Variants in MCAM observed in about 807,000 individuals in gnomAD.
The protein encoded by MCAM is cell surface glycoprotein MUC18.
MCAM carries 55 observed loss-of-function variants against 79.1 expected under a neutral mutation model. That is an observed-to-expected ratio of 0.70 (90% confidence interval 0.56 to 0.87). The LOEUF (loss-of-function observed/expected upper bound fraction) is 0.87. MCAM is among the 40% of genes least tolerant of loss of function. MCAM has a pLI of 0.00. For missense variants in MCAM, 745 were observed against 839.8 expected (o/e 0.89, Z 1.40); for synonymous variants, 330 against 339.8 (o/e 0.97, Z 0.32).
At position 119,309,066 on chromosome 11, in the gene MCAM, G is replaced by C. The variant is rs934645157; in HGVS notation, c.*820C>G. 1 of 152,236 alleles carries C rather than the reference G, an allele frequency of 6.6e-6. No individual in the cohort carries two copies. The highest frequency in any genetic ancestry group is 1.5e-5 in the Non-Finnish European group (1 of 68,058). 9.4% of individuals were successfully genotyped at this position (152,236 alleles called of 1,614,324 possible). On this transcript the variant is annotated 3_prime_UTR_variant, in exon 16 of 16. Coordinates refer to ENST00000264036, the MANE Select transcript of MCAM (RefSeq NM_006500.3). ...GGCTCACTGCAAGCTCCACCTCCTG[G>C]ATTCATACCATTCTCCTGCTTCAGC...
At position 119,315,303 on chromosome 11, in the gene MCAM, C is replaced by A; in HGVS notation, c.68-40G>T. ...CGGGGCCCCCGCAGCTGTGTCAGCT[C>A]CGGCTGCTGTCCGCCCCTCCCCTCG... On this transcript the variant is annotated intron_variant, in intron 1 of 15. Coordinates refer to ENST00000264036, the MANE Select transcript of MCAM (RefSeq NM_006500.3). The surrounding 1 kb of genome is among the most constrained non-coding windows in gnomAD (Gnocchi z 4.4). The A allele has an allele frequency of 6.3e-7, 1 of 1,584,134 alleles. No individual in the cohort carries two copies.
rs771310773 is a variant in MCAM, at chr11:119,314,807, C to T, written c.400+26G>A. The T allele has an allele frequency of 3.1e-6, 5 of 1,613,554 alleles. No individual in the cohort carries two copies. In the South Asian group the frequency reaches 4.4e-5, roughly 14 times the overall value. ...GCCACGTCCCACCACCCTCACTACC[C>T]TGCTGGCAGACACAGGGTCACGCAC... On this transcript the variant is annotated intron_variant, in intron 3 of 15. Transcript: ENST00000264036.
intron 14 of MCAM, 132 bp downstream of exon 14, chr11:119,310,624 C>G (rs1295745349): frequency 1.8e-6 from 2 of 1,133,882 alleles, no homozygotes; most frequent in Non-Finnish European, 2.6e-6. Context: ...GGAAGCTGGG[C>G]AGTGGGTAGT....
intron 15 of MCAM, 77 bp downstream of exon 15, chr11:119,310,272 T>G: frequency 2.1e-6 from 2 of 958,992 alleles, no homozygotes; most frequent in Non-Finnish European, 3.4e-6. Context: ...GGATGAAGGA[T>G]AGAGAGAACC....
rs373976461 is a variant in MCAM, at chr11:119,312,763, T to C, written c.739+7A>G. ...CCCAGTAAGCAGAGAGTCAGGTTAG[T>C]ACTCACAGAAAACAGGGACGGTGAC... On this transcript the variant is annotated splice_region_variant and intron_variant, in intron 6 of 15. Coordinates refer to ENST00000264036, the MANE Select transcript of MCAM (RefSeq NM_006500.3). This position sits in a 1 kb window ranked among gnomAD's most constrained non-coding sequence, Gnocchi z 4.9. 1 of 1,613,782 alleles carries C rather than the reference T, an allele frequency of 6.2e-7. No homozygotes were observed. Among genetic ancestry groups the C allele is most frequent in the Non-Finnish European group, 8.5e-7 (1 of 1,179,900 alleles).
chr11:119,315,001 G>T lies in MCAM; in HGVS notation c.232C>A (p.Gln78Lys). Residue 78 changes from glutamine to lysine, a missense_variant, in exon 3 of 16, where the codon CAG (glutamine) becomes AAG (lysine). By Grantham distance (53) the Gln-to-Lys change is moderately conservative (BLOSUM62 1). Transcript: ENST00000264036. This position sits in a 1 kb window ranked among gnomAD's most constrained non-coding sequence, Gnocchi z 4.4. ...CCAGGTTCGCTCTGGCCCTGGCCCTGGCGCACACGGAAGATGAGCGTCCGC... is the reference window on the plus strand; with the variant it reads ...CCAGGTTCGCTCTGGCCCTGGCCCTTGCGCACACGGAAGATGAGCGTCCGC... ...EKRTLIFRVR[Q>K]GQGQSEPGEY... 1 of 1,609,606 alleles carries T rather than the reference G, an allele frequency of 6.2e-7. No individual in the cohort carries two copies. Among genetic ancestry groups the T allele is most frequent in the Non-Finnish European group, 8.5e-7 (1 of 1,179,988 alleles).
At position 119,311,581 on chromosome 11, in the gene MCAM, A is replaced by G. The variant is rs1190535661; in HGVS notation, c.1356T>C (p.Cys452=). The G allele has an allele frequency of 6.2e-7, 1 of 1,614,082 alleles. No homozygotes were observed. The highest frequency in any genetic ancestry group is 8.5e-7 in the Non-Finnish European group (1 of 1,180,014). The change falls in exon 11 of 16, where the codon TGT becomes TGC. Residue 452 remains cysteine, a synonymous_variant. Coordinates refer to ENST00000264036, the MANE Select transcript of MCAM (RefSeq NM_006500.3). This position sits in a 1 kb window ranked among gnomAD's most constrained non-coding sequence, Gnocchi z 4.4. The part of the protein sequence containing the change: ...VKENMVLNLS[C]EASGHPRPTI... ...TGGGCCGGGGGTGCCCTGACGCTTCACAAGACAGATTCAACACCATATTCT... is the reference window on the plus strand; with the variant it reads ...TGGGCCGGGGGTGCCCTGACGCTTCGCAAGACAGATTCAACACCATATTCT...
At chr11:119,310,666 C>A (rs997476367) in intron 14 of MCAM, 90 bp downstream of exon 14, 28 of 1,438,106 alleles carry the variant, frequency 1.9e-5, no homozygotes, top group Non-Finnish European at 2.6e-5. Flanking sequence ...CAGGGCCCCA[C>A]TCCTGCTGTC....
Position 119,312,037 on chromosome 11 carries a change from G to T in MCAM, c.1143+15C>A. ...CCCACCCCATCAGCCCCTTGCCCCA[G>T]ACCCGCCTGGGTACCTCTTCTCTCA... On this transcript the variant is annotated intron_variant, in intron 9 of 15. Coordinates refer to ENST00000264036, the MANE Select transcript of MCAM (RefSeq NM_006500.3). The surrounding 1 kb of genome is among the most constrained non-coding windows in gnomAD (Gnocchi z 4.9). The T allele has an allele frequency of 6.9e-7, 1 of 1,452,864 alleles. No individual in the cohort carries two copies. The highest frequency in any genetic ancestry group is 9.5e-7 in the Non-Finnish European group (1 of 1,057,694). 90.0% of individuals were successfully genotyped at this position (1,452,864 alleles called of 1,614,324 possible). A position where few individuals can be genotyped will look rare whatever the true frequency, so the allele number is the denominator to read the frequency against.
At chr11:119,313,786 TACTAG>T in intron 5 of MCAM, 1 of 191,290 alleles carries the variant, frequency 5.2e-6, no homozygotes, top group Non-Finnish European at 1.0e-5. Context: ...TCTCTCTACC[TACTAG>T]ATGGCAGTAG....
rs567481048 is a variant in MCAM, at chr11:119,317,018, C to G, written c.67+17G>C. The G allele has an allele frequency of 8.5e-6, 13 of 1,529,238 alleles. No individual in the cohort carries two copies. Among genetic ancestry groups the G allele is most frequent in the South Asian group, 4.8e-5 (4 of 83,380 alleles). 94.7% of individuals were successfully genotyped at this position (1,529,238 alleles called of 1,614,324 possible). The stretch of plus-strand genomic sequence containing the variant: ...AGACCCCTAGCCGGGGCGCGGCCCC[C>G]CTGCGAGCGAACTCACCCGCGACGC... On this transcript the variant is annotated intron_variant, in intron 1 of 15. Transcript: ENST00000264036. The surrounding 1 kb of genome is among the most constrained non-coding windows in gnomAD (Gnocchi z 6.2).
chr11:119,312,511 C>A lies in MCAM; in HGVS notation c.861+16G>T. On this transcript the variant is annotated intron_variant, in intron 7 of 15. Transcript: ENST00000264036. The surrounding 1 kb of genome is among the most constrained non-coding windows in gnomAD (Gnocchi z 4.9). ...TGCTTGCATCCCCACCTGCACCCAGCACAAAGCCCCCACACCTGCTTGCTG... is the reference window on the plus strand; with the variant it reads ...TGCTTGCATCCCCACCTGCACCCAGAACAAAGCCCCCACACCTGCTTGCTG... 1 of 1,614,092 alleles carries A rather than the reference C, an allele frequency of 6.2e-7. No individual in the cohort carries two copies. Among genetic ancestry groups the A allele is most frequent in the Non-Finnish European group, 8.5e-7 (1 of 1,180,030 alleles).
Position 119,311,751 on chromosome 11 carries a change from G to A in MCAM, c.1285+57C>T, listed in dbSNP as rs922761609. 7 of 1,608,414 alleles carry A rather than the reference G, an allele frequency of 4.4e-6. No individual in the cohort carries two copies. Among genetic ancestry groups the A allele is most frequent in the Non-Finnish European group, 5.9e-6 (7 of 1,176,536 alleles). ...GCAGCAGGTGGCTTTTTGTCAAAGAGCTTAAAAACCACCCCACTTGGGGTG... is the reference window on the plus strand; with the variant it reads ...GCAGCAGGTGGCTTTTTGTCAAAGAACTTAAAAACCACCCCACTTGGGGTG... On this transcript the variant is annotated intron_variant, in intron 10 of 15. Coordinates refer to ENST00000264036, the MANE Select transcript of MCAM (RefSeq NM_006500.3). This position sits in a 1 kb window ranked among gnomAD's most constrained non-coding sequence, Gnocchi z 4.4.
At position 119,314,872 on chromosome 11, in the gene MCAM, G is replaced by C. The variant is rs1278912763; in HGVS notation, c.361C>G (p.Pro121Ala). ...TGGATGCGGTACTCCTGGGACCGAG[G>C]GCGCTTGCCCTGGCACAAGAAGATG... The part of the protein sequence containing the change: ...ERIFLCQGKR[P>A]RSQEYRIQLR... The change falls in exon 3 of 16, where the codon CCT (proline) becomes GCT (alanine). Residue 121 changes from proline (P) to alanine (A), a missense_variant. Pro to Ala is a conservative substitution (Grantham distance 27). Coordinates refer to ENST00000264036, the MANE Select transcript of MCAM (RefSeq NM_006500.3). 1 of 1,613,606 alleles carries C rather than the reference G, an allele frequency of 6.2e-7. No individual in the cohort carries two copies. The highest frequency in any genetic ancestry group is 1.1e-5 in the South Asian group (1 of 91,090).
chr11:119,309,904 G>T lies in MCAM; in HGVS notation c.1923C>A (p.Tyr641Ter). ...KRAPGDQGEK[Y>*]IDLRH ...TTCGGGGCTAATGCCTCAGATCGATGTATTTCTCTCCCTAAAAGTGGGTAG... is the reference window on the plus strand; with the variant it reads ...TTCGGGGCTAATGCCTCAGATCGATTTATTTCTCTCCCTAAAAGTGGGTAG... The change falls in exon 16 of 16, where the codon TAC becomes TAA. Residue 641 changes from tyrosine (Y) to a stop codon, truncating the protein, a stop_gained. Transcript: ENST00000264036. LOFTEE classifies it high-confidence loss of function. The T allele has an allele frequency of 6.2e-7, 1 of 1,601,762 alleles. No individual in the cohort carries two copies. Among genetic ancestry groups the T allele is most frequent in the Non-Finnish European group, 8.5e-7 (1 of 1,174,110 alleles).
In MCAM at chr11:119,312,020, A is replaced by G. The variant is rs200321905; in HGVS notation, c.1143+32T>C. On this transcript the variant is annotated intron_variant, in intron 9 of 15. Transcript: ENST00000264036. The surrounding 1 kb of genome is among the most constrained non-coding windows in gnomAD (Gnocchi z 4.9). ...TGTCACCGCCAGCCCCACCCACCCC[A>G]TCAGCCCCTTGCCCCAGACCCGCCT... is the stretch of plus-strand genomic sequence containing the variant. The G allele has an allele frequency of 5.6e-4, 674 of 1,211,370 alleles. 7 individuals carry two copies. The East Asian group carries it at 0.02, about 36-fold the overall frequency. 75.0% of individuals were successfully genotyped at this position (1,211,370 alleles called of 1,614,324 possible).
In MCAM at chr11:119,315,578, C is replaced by T; in HGVS notation, c.68-315G>A. 1 of 365,116 alleles carries T rather than the reference C, an allele frequency of 2.7e-6. No homozygotes were observed. The highest frequency in any genetic ancestry group is 5.2e-6 in the Non-Finnish European group (1 of 191,838). 22.6% of individuals were successfully genotyped at this position (365,116 alleles called of 1,614,324 possible). A position where few individuals can be genotyped will look rare whatever the true frequency, so the allele number is the denominator to read the frequency against. Reference sequence around the variant, plus strand: ...GGCCAAGAGGAAGGCCCCTTTCCTTCCAGGCCCCCTCCTCTCCGGGTGAGC... The same window carrying T: ...GGCCAAGAGGAAGGCCCCTTTCCTTTCAGGCCCCCTCCTCTCCGGGTGAGC... On this transcript the variant is annotated intron_variant, in intron 1 of 15. Transcript: ENST00000264036. The surrounding 1 kb of genome is among the most constrained non-coding windows in gnomAD (Gnocchi z 4.4).
At position 119,315,486 on chromosome 11, in the gene MCAM, G is replaced by C. The variant is rs374018194; in HGVS notation, c.68-223C>G. The C allele has an allele frequency of 2.7e-3, 1,565 of 578,102 alleles. 21 individuals are homozygous for C. The highest frequency in any genetic ancestry group is 0.026 in the African/African-American group (1,412 of 53,408). The allele number at this position is 578,102 out of a possible 1,614,324, so 35.8% of individuals were successfully genotyped here. On this transcript the variant is annotated intron_variant, in intron 1 of 15. Coordinates refer to ENST00000264036, the MANE Select transcript of MCAM (RefSeq NM_006500.3). This position sits in a 1 kb window ranked among gnomAD's most constrained non-coding sequence, Gnocchi z 4.4. ...CTTGGAGCCAAGCAGAGATTGAGCA[G>C]AGACTGAGCACCGAACAGCTCCAGC...
At position 119,311,425 on chromosome 11, in the gene MCAM, C is replaced by A. The variant is rs769944457; in HGVS notation, c.1408-4G>T. ...GATCTTGGTCTTGTTCACTTGCCTG[C>A]GAGGAAAGGAAGGAGGCAGCTCAGG... On this transcript the variant is annotated splice_region_variant and splice_polypyrimidine_tract_variant and intron_variant, in intron 11 of 15. Transcript: ENST00000264036. The surrounding 1 kb of genome is among the most constrained non-coding windows in gnomAD (Gnocchi z 4.4). 3 of 1,613,920 alleles carry A rather than the reference C, an allele frequency of 1.9e-6. No individual in the cohort carries two copies. The highest frequency in any genetic ancestry group is 1.7e-5 in the Admixed American group (1 of 60,006).
Sources: allele counts gnomAD v4.1 joint callset, GRCh38; gene constraint gnomAD v4.1.1; non-coding constraint Gnocchi (gnomAD v3.1); transcripts MANE v1.5; gene names NCBI Gene and HGNC (gene_info 2026-07-23, HGNC 2026-07-21).